MRGPRX3: variants seen among roughly 807,000 people sequenced by gnomAD.
The protein encoded by MRGPRX3 is MAS related GPR family member X3, also known as mas-related G protein-coupled receptor member X3.
MRGPRX3 carries 14 observed loss-of-function variants against 16.5 expected under a neutral mutation model. The ratio of observed to expected loss-of-function variants is 0.85; its 90% CI spans 0.56 to 1.33. The LOEUF (loss-of-function observed/expected upper bound fraction) is 1.33. MRGPRX3 is among the 40% of genes most tolerant of loss of function. The pLI is 0.00. For synonymous variants in MRGPRX3, 199 were observed against 180.1 expected (o/e 1.10, Z -0.84); for missense variants, 449 against 413.0 (o/e 1.09, Z -0.76).
chr11:18,132,179 T>C (rs547509616), upstream of MRGPRX3, among the ~76,000 whole-genome samples: 74 of 152,294 alleles, frequency 4.9e-4, no homozygotes, highest in African/African-American at 1.6e-3. Flanking sequence ...ACAATGGGAC[T>C]CTAGATTTTC....
chr11:18,130,022 A>G (rs946106505), upstream of MRGPRX3, among the ~76,000 whole-genome samples: 1 of 152,240 alleles, frequency 6.6e-6, no homozygotes, highest in African/African-American at 2.4e-5. Context: ...CATAGAAAGG[A>G]CATACCTTAA....
chr11:18,124,635 T>C (rs900737794), intron 1 of MRGPRX3, among the ~76,000 whole-genome samples: 4 of 152,238 alleles, frequency 2.6e-5, no homozygotes, highest in African/African-American at 9.6e-5. Context: ...TCAGGGATAT[T>C]GGTCTAAAAT....
upstream of MRGPRX3, among the ~76,000 whole-genome samples, chr11:18,129,706 A>C (rs1410037296): frequency 6.6e-6 from 1 of 152,188 alleles, no homozygotes; most frequent in East Asian, 1.9e-4. Flanking sequence ...CTTTAATACC[A>C]AAACCAGGAA....
chr11:18,132,370 G>A (rs1237763974), upstream of MRGPRX3: 1 of 152,168 alleles, frequency 6.6e-6, no homozygotes, highest in African/African-American at 2.4e-5. Flanking sequence ...TTAATGTGAT[G>A]CCTAGGCCCA....
At chr11:18,121,424 A>C (rs79372227) in intron 1 of MRGPRX3, among the ~76,000 whole-genome samples, 144,872 of 151,284 alleles carry the variant, frequency 0.96, 69,669 homozygotes, top group East Asian at 1. Context: ...CCCCTCTGCC[A>C]GGCCACACGC....
At chr11:18,126,137 T>A (rs1848893050) in intron 1 of MRGPRX3, among the ~76,000 whole-genome samples, 1 of 152,238 alleles carries the variant, frequency 6.6e-6, no homozygotes, top group Non-Finnish European at 1.5e-5. Flanking sequence ...GGGTCTTGAC[T>A]CTTTATCCAA....
In MRGPRX3 at chr11:18,137,343, T is replaced by G; in HGVS notation, c.141T>G (p.Val47=). 6.2e-7 allele frequency: 1 copy of G among 1,614,162 alleles called. No homozygotes were observed. The highest frequency in any genetic ancestry group is 1.1e-5 in the South Asian group (1 of 91,068). The stretch of plus-strand genomic sequence containing the variant: ...TTGTCGCGCTGACAGGAAACGCGGT[T>G]GTGCTCTGGCTCCTGGGCTGCCGCA... The part of the protein sequence containing the change: ...VSLVALTGNA[V]VLWLLGCRMR... The change falls in exon 2 of 2, where the codon GTT becomes GTG. Residue 47 remains valine (V), a synonymous_variant. Coordinates refer to ENST00000621697, the MANE Select transcript of MRGPRX3 (RefSeq NM_001370464.1).
chr11:18,123,419 T>C (rs1433193876), intron 1 of MRGPRX3, among the ~76,000 whole-genome samples: 1 of 152,224 alleles, frequency 6.6e-6, no homozygotes, highest in Non-Finnish European at 1.5e-5. Flanking sequence ...TAGCCAGTTT[T>C]CCCAGCACCA....
upstream of MRGPRX3, among the ~76,000 whole-genome samples, chr11:18,128,439 C>G (rs1377380486): frequency 6.6e-6 from 1 of 152,218 alleles, no homozygotes; most frequent in Non-Finnish European, 1.5e-5. Context: ...GTTGGAGCTT[C>G]CCAGCTGCTT....
chr11:18,123,209 ATTT>A (rs1406664774), intron 1 of MRGPRX3, among the ~76,000 whole-genome samples: 1 of 152,088 alleles, frequency 6.6e-6, no homozygotes, highest in Non-Finnish European at 1.5e-5. Flanking sequence ...CCATTTGTCA[ATTT>A]TGGCTTTTGT....
At chr11:18,131,973 T>C (rs1457536014), upstream of MRGPRX3, among the ~76,000 whole-genome samples, 2 of 152,118 alleles carry the variant, frequency 1.3e-5, no homozygotes, top group African/African-American at 4.8e-5. Flanking sequence ...GCTCAGGTGA[T>C]GGGTGCACCA....
At chr11:18,135,566 G>T (rs1849000694) in intron 1 of MRGPRX3, among the ~76,000 whole-genome samples, 2 of 152,034 alleles carry the variant, frequency 1.3e-5, no homozygotes, top group African/African-American at 4.8e-5. Flanking sequence ...CCTCTGATAG[G>T]CAAAAAAGAA....
intron 1 of MRGPRX3, 91 bp from the exon 2 acceptor site, chr11:18,137,086 CT>C (rs1435942391): frequency 6.0e-6 from 8 of 1,332,008 alleles, no homozygotes; most frequent in Non-Finnish European, 8.3e-6. Flanking sequence ...GATCTCTCCT[CT>C]TTAAATGAGG....
intron 1 of MRGPRX3, among the ~76,000 whole-genome samples, chr11:18,125,670 T>G (rs1009322080): frequency 1.3e-5 from 2 of 152,208 alleles, no homozygotes; most frequent in Non-Finnish European, 1.5e-5. Flanking sequence ...TTCTGTTGAT[T>G]TGGGGTGGAG....
upstream of MRGPRX3, among the ~76,000 whole-genome samples, chr11:18,130,056 G>A (rs1224696883): frequency 1.3e-5 from 2 of 152,022 alleles, no homozygotes; most frequent in Non-Finnish European, 1.5e-5. Flanking sequence ...ATATATGACG[G>A]ACCCACAGCA....
chr11:18,134,671 C>T (rs949668999), intron 1 of MRGPRX3, among the ~76,000 whole-genome samples: 1 of 152,180 alleles, frequency 6.6e-6, no homozygotes, highest in African/African-American at 2.4e-5. Context: ...AAAATTGCTG[C>T]TCCCCAGTTC....
intron 1 of MRGPRX3, among the ~76,000 whole-genome samples, chr11:18,132,993 G>T (rs1437854213): frequency 6.6e-6 from 1 of 152,138 alleles, no homozygotes; most frequent in Non-Finnish European, 1.5e-5. Context: ...TGCCCTCATG[G>T]AGAGACTGCT....
Position 18,122,752 on chromosome 11 carries a change from G to A in MRGPRX3, c.-152+1588G>A, listed in dbSNP as rs183955926. 1.1e-3 allele frequency among the ~76,000 whole-genome samples: 165 copies of A among 152,256 alleles called. 1 individual carries two copies. In the East Asian group the frequency reaches 0.03, roughly 27 times the overall value. ...GTATTTCTAGTCCTAGATCCTTGAG[G>A]AATCGCCACACTCTCTTCCACAATG... On this transcript the variant is annotated intron_variant, in intron 1 of 2. Coordinates refer to the MRGPRX3 transcript ENST00000396275.
intron 1 of MRGPRX3, among the ~76,000 whole-genome samples, chr11:18,135,273 T>C (rs191893890): frequency 6.6e-6 from 1 of 152,318 alleles, no homozygotes; most frequent in East Asian, 1.9e-4. Flanking sequence ...CATGACTTAC[T>C]CCTTACGGAT....
Sources: allele counts gnomAD v4.1 joint callset (sites outside exome capture counted in the v4.1 genomes callset), GRCh38; gene constraint gnomAD v4.1.1; transcripts MANE v1.5; gene names NCBI Gene and HGNC (gene_info 2026-07-23, HGNC 2026-07-21).